The following RXRA variants were observed in gnomAD, a reference collection of about 807,000 sequenced individuals.
RXRA encodes the protein retinoid X receptor alpha.
RXRA carries 5 observed loss-of-function variants against 44.5 expected under a neutral mutation model. The observed-to-expected ratio is 0.11, with a 90% confidence interval of 0.06 to 0.24. The LOEUF (loss-of-function observed/expected upper bound fraction) is 0.24. Among genes scored for constraint, RXRA ranks in the 10% least tolerant of loss-of-function variants. The pLI is 1.00. For synonymous variants in RXRA, 291 were observed against 271.4 expected, an observed-to-expected ratio of 1.07 and a Z score of -0.71; for missense variants, 412 against 646.5, an observed-to-expected ratio of 0.64 and a Z score of 3.93.
chr9:134,350,979 G>T (rs551798193), intron 1 of RXRA, among the ~76,000 whole-genome samples: 3 of 152,348 alleles, frequency 2.0e-5, no homozygotes, highest in South Asian at 2.1e-4. Context: ...CTCAGCAAGG[G>T]GGGGCTGAGC....
At position 134,417,105 on chromosome 9, in the gene RXRA, G is replaced by A. The variant is rs1236257748; in HGVS notation, c.611-53G>A. 1 of 1,560,532 alleles carries A rather than the reference G, an allele frequency of 6.4e-7. No individual in the cohort carries two copies. The highest frequency in any genetic ancestry group is 1.8e-5 in the Admixed American group (1 of 54,956). The stretch of plus-strand genomic sequence containing the variant: ...CACCCGGCCAGGACAGCCTTCCCTG[G>A]GAGCCACTGGCCGGGCTGAGCGTGG... On this transcript the variant is annotated intron_variant, in intron 4 of 9. Transcript: ENST00000481739. The surrounding 1 kb of genome is among the most constrained non-coding windows in gnomAD (Gnocchi z 6.1).
At chr9:134,398,313 G>A (rs1266302661) in intron 1 of RXRA, among the ~76,000 whole-genome samples, 2 of 152,174 alleles carry the variant, frequency 1.3e-5, no homozygotes, top group Non-Finnish European at 2.9e-5. Context: ...AACGCCTATG[G>A]TAGCCACCAC....
intron 1 of RXRA, chr9:134,379,949 G>A (rs1830617001): frequency 1.0e-6 from 1 of 985,278 alleles, no homozygotes; most frequent in Non-Finnish European, 1.2e-6. Context: ...CTCCCAGCCT[G>A]CTCCCCTGGG....
intron 1 of RXRA, among the ~76,000 whole-genome samples, chr9:134,355,474 G>A (rs568382245): frequency 9.2e-5 from 13 of 141,892 alleles, no homozygotes; most frequent in Non-Finnish European, 2.0e-4. Flanking sequence ...TCAGCGCCGG[G>A]AACTGCTAGT....
At chr9:134,396,404 C>G (rs1393146917) in intron 1 of RXRA, among the ~76,000 whole-genome samples, 2 of 152,230 alleles carry the variant, frequency 1.3e-5, no homozygotes, top group East Asian at 3.9e-4. Flanking sequence ...CTTCTCCCTC[C>G]CCTGGGAGGC....
intron 1 of RXRA, chr9:134,401,304 A>T: frequency 2.8e-6 from 1 of 363,330 alleles, no homozygotes; most frequent in Non-Finnish European, 5.1e-6. Context: ...CTGCTTTCCC[A>T]GGTGGACGGG....
intron 6 of RXRA, among the ~76,000 whole-genome samples, chr9:134,428,062 T>A (rs1022229086): frequency 1.3e-5 from 2 of 152,170 alleles, no homozygotes; most frequent in African/African-American, 4.8e-5. Flanking sequence ...AAAACAGCAG[T>A]GCGTGTGCAC....
intron 1 of RXRA, among the ~76,000 whole-genome samples, chr9:134,391,895 G>A (rs779933027): frequency 1.1e-4 from 16 of 152,210 alleles, no homozygotes; most frequent in East Asian, 1.9e-4. Flanking sequence ...CCTGCAGGAC[G>A]GGGGCAGGAG....
chr9:134,413,474 C>A (rs1408739959), intron 4 of RXRA, among the ~76,000 whole-genome samples: 1 of 152,184 alleles, frequency 6.6e-6, no homozygotes, highest in Non-Finnish European at 1.5e-5. Flanking sequence ...CCTTTAGAGA[C>A]TCTAGCTTGC....
intron 1 of RXRA, among the ~76,000 whole-genome samples, chr9:134,360,542 A>G (rs1309237461): frequency 6.6e-6 from 1 of 152,208 alleles, no homozygotes; most frequent in Non-Finnish European, 1.5e-5. Context: ...CCGCCGTGCC[A>G]GCGCCCCTTC....
rs1462042524 is a variant in RXRA at position 134,366,858 on chromosome 9, T to C, written c.29-34774T>C. On this transcript the variant is annotated intron_variant, in intron 1 of 9. Transcript: ENST00000481739. The surrounding 1 kb of genome is among the most constrained non-coding windows in gnomAD (Gnocchi z 5.9). Reference sequence around the variant, plus strand: ...CAAAGACACAGGAGTCGGGGACACATCCCAGTCGGAACGTGGTGGAAAGGC... The same window carrying C: ...CAAAGACACAGGAGTCGGGGACACACCCCAGTCGGAACGTGGTGGAAAGGC... Among the ~76,000 whole-genome samples the C allele has an allele frequency of 6.6e-6, 1 of 152,090 alleles. No individual in the cohort carries two copies. The highest frequency in any genetic ancestry group is 6.5e-5 in the Admixed American group (1 of 15,278).
At chr9:134,357,868 C>G (rs1361305693) in intron 1 of RXRA, among the ~76,000 whole-genome samples, 1 of 152,208 alleles carries the variant, frequency 6.6e-6, no homozygotes, top group African/African-American at 2.4e-5. Flanking sequence ...CTGTCTGATC[C>G]TAGGGTGAGG....
chr9:134,424,098 C>T (rs563160914), intron 6 of RXRA: 108 of 985,282 alleles, frequency 1.1e-4, no homozygotes, highest in Admixed American at 1.8e-4. Flanking sequence ...TGGTGGAGTG[C>T]GGTGCTGAGG....
chr9:134,381,436 G>C (rs1830645012), intron 1 of RXRA, among the ~76,000 whole-genome samples: 1 of 152,176 alleles, frequency 6.6e-6, no homozygotes, highest in Non-Finnish European at 1.5e-5. Flanking sequence ...AACTGTCTGA[G>C]CGGGAGAGGG....
At chr9:134,416,664 G>T (rs576665358) in intron 4 of RXRA, among the ~76,000 whole-genome samples, 1 of 152,154 alleles carries the variant, frequency 6.6e-6, no homozygotes, top group Admixed American at 6.5e-5. Context: ...CCCGCCGCAG[G>T]TTCCCCTTGC....
chr9:134,334,005 T>C (rs1229012235), intron 1 of RXRA, among the ~76,000 whole-genome samples: 2 of 152,224 alleles, frequency 1.3e-5, no homozygotes, highest in Non-Finnish European at 2.9e-5. Context: ...GCTGCAGCTT[T>C]GGACTTGGTG....
At chr9:134,422,952 G>A (rs936158990) in intron 6 of RXRA, 3 of 985,376 alleles carry the variant, frequency 3.0e-6, no homozygotes, top group Admixed American at 6.1e-5. Context: ...TAATGGTGGT[G>A]CACAGAGCCA....
In RXRA at chr9:134,433,289, T is replaced by C. The variant is rs571362678; in HGVS notation, c.1136-813T>C. Among the ~76,000 whole-genome samples, 1 of 152,238 alleles carries C rather than the reference T, an allele frequency of 6.6e-6. No individual in the cohort carries two copies. The highest frequency in any genetic ancestry group is 2.4e-5 in the African/African-American group (1 of 41,542). On this transcript the variant is annotated intron_variant, in intron 8 of 9. Transcript: ENST00000481739. The surrounding 1 kb of genome is among the most constrained non-coding windows in gnomAD (Gnocchi z 4.2). ...TTCAGGTCCTGTGTGGTCTGGTTGC[T>C]AGAGCTGGGGCACCAGCAGGACCTG... is the stretch of plus-strand genomic sequence containing the variant.
chr9:134,333,158 C>G (rs1303325880), intron 1 of RXRA, among the ~76,000 whole-genome samples: 1 of 152,092 alleles, frequency 6.6e-6, no homozygotes, highest in Non-Finnish European at 1.5e-5. Context: ...GGGAGTGGGA[C>G]ATTCAGGGGT....
Sources: allele counts gnomAD v4.1 joint callset (sites outside exome capture counted in the v4.1 genomes callset), GRCh38; gene constraint gnomAD v4.1.1; non-coding constraint Gnocchi (gnomAD v3.1); transcripts MANE v1.5; gene names NCBI Gene and HGNC (gene_info 2026-07-23, HGNC 2026-07-21).